The following PLAC8 variants were observed in gnomAD, a reference collection of about 807,000 sequenced individuals.
PLAC8 encodes the protein placenta associated 8, also known as placenta-specific gene 8 protein.
In PLAC8, 6 loss-of-function variants were observed where a neutral mutation model predicts 12.6. The ratio of observed to expected loss-of-function variants is 0.48; its 90% CI spans 0.26 to 0.94. The LOEUF (loss-of-function observed/expected upper bound fraction) is 0.94, where lower values mean the gene tolerates loss of function less well. Ranked by LOEUF, PLAC8 falls within the 40% of genes least tolerant of loss-of-function variation. The pLI, the probability that PLAC8 is intolerant of heterozygous loss-of-function variation, is 0.14. For synonymous variants in PLAC8, 54 were observed against 52.6 expected (o/e 1.03, Z -0.11); for missense variants, 122 against 152.7 (o/e 0.80, Z 1.06).
At position 83,100,930 on chromosome 4, in the gene PLAC8, A is replaced by G. The variant is rs573843184; in HGVS notation, c.243+3966T>C. On this transcript the variant is annotated intron_variant, in intron 3 of 4. Transcript: ENST00000311507. The stretch of plus-strand genomic sequence containing the variant: ...ACATGCTACTCCGGTGAACATAAAA[A>G]TGATAGGAAAGCAAAACAACCTTAT... Among the ~76,000 whole-genome samples, 6 of 152,332 alleles carry G rather than the reference A, an allele frequency of 3.9e-5. No individual in the cohort carries two copies. The South Asian group carries it at 1.2e-3, about 32-fold the overall frequency.
intron 3 of PLAC8, among the ~76,000 whole-genome samples, chr4:83,097,608 T>G (rs574981098): frequency 2.0e-5 from 3 of 152,186 alleles, no homozygotes; most frequent in African/African-American, 7.2e-5. Context: ...CTAAAAAGAG[T>G]CTGACCTTAT....
chr4:83,103,865 A>C (rs1732173350), intron 3 of PLAC8, among the ~76,000 whole-genome samples: 1 of 152,100 alleles, frequency 6.6e-6, no homozygotes, highest in Admixed American at 6.5e-5. Context: ...CAGGGGTTTC[A>C]CCATGTTGGC....
chr4:83,110,103 C>G (rs1308574470), intron 1 of PLAC8, among the ~76,000 whole-genome samples: 1 of 152,060 alleles, frequency 6.6e-6, no homozygotes, highest in African/African-American at 2.4e-5. Context: ...AGGGCTGGCG[C>G]CGCTTCCTCC....
At chr4:83,112,608 T>G (rs984926714) in intron 1 of PLAC8, among the ~76,000 whole-genome samples, 1 of 152,216 alleles carries the variant, frequency 6.6e-6, no homozygotes, top group Non-Finnish European at 1.5e-5. Context: ...CTGTCACTTC[T>G]AGCTGATTCT....
chr4:83,099,044 T>C (rs188017431), intron 3 of PLAC8, among the ~76,000 whole-genome samples: 2 of 152,200 alleles, frequency 1.3e-5, no homozygotes. Context: ...ACTGCTATAA[T>C]TCTAATATGA....
At chr4:83,105,715 T>A (rs1284796484) in intron 2 of PLAC8, among the ~76,000 whole-genome samples, 1 of 152,214 alleles carries the variant, frequency 6.6e-6, no homozygotes, top group Non-Finnish European at 1.5e-5. Context: ...AGATCTACAT[T>A]TAAGAAAATT....
At chr4:83,095,270 A>G (rs146553900) in intron 3 of PLAC8, among the ~76,000 whole-genome samples, 55 of 152,310 alleles carry the variant, frequency 3.6e-4, no homozygotes, top group Non-Finnish European at 7.1e-4. Flanking sequence ...CAACTAGTTT[A>G]AAAGGTAGTA....
rs762981620 is a variant in PLAC8, at chr4:83,107,792, C to T, written c.118+12G>A. ...GGTATCAAATAAGGGGGTTCTTTCC[C>T]CACACACTTACAGACTCCGCAGTCG... On this transcript the variant is annotated intron_variant, in intron 2 of 4. Coordinates refer to ENST00000311507, the MANE Select transcript of PLAC8 (RefSeq NM_016619.3). 1 of 1,552,342 alleles carries T rather than the reference C, an allele frequency of 6.4e-7. No individual in the cohort carries two copies. Among genetic ancestry groups the T allele is most frequent in the South Asian group, 1.1e-5 (1 of 88,958 alleles).
At chr4:83,109,750 G>GGGAA (rs1732359963) in intron 1 of PLAC8, 1 of 152,436 alleles carries the variant, frequency 6.6e-6, no homozygotes, top group African/African-American at 2.4e-5. Context: ...CTCTGCACTC[G>GGGAA]GGAAGGGGCT....
At chr4:83,106,829 C>T (rs1340546212) in intron 2 of PLAC8, among the ~76,000 whole-genome samples, 1 of 152,186 alleles carries the variant, frequency 6.6e-6, no homozygotes, top group East Asian at 1.9e-4. Context: ...CTGCAACGCC[C>T]ATCACACCCC....
intron 2 of PLAC8, 124 bp downstream of exon 2, chr4:83,107,680 A>G: frequency 4.8e-6 from 1 of 208,728 alleles, no homozygotes; most frequent in Non-Finnish European, 9.5e-6. Context: ...ATTGCCTGAC[A>G]TGCAGAGTGC....
chr4:83,100,034 C>T (rs1246725823), intron 3 of PLAC8, among the ~76,000 whole-genome samples: 6 of 148,996 alleles, frequency 4.0e-5, no homozygotes, highest in South Asian at 2.1e-4. Flanking sequence ...CTGCCGGGCG[C>T]GCGAGGCGGG....
chr4:83,094,771 A>G lies in PLAC8; in HGVS notation c.264T>C (p.Tyr88=). The G allele has an allele frequency of 1.3e-6, 2 of 1,591,316 alleles. No homozygotes were observed. Among genetic ancestry groups the G allele is most frequent in the Non-Finnish European group, 1.7e-6 (2 of 1,170,282 alleles). The change falls in exon 4 of 5, where the codon TAT becomes TAC. Residue 88 remains tyrosine (Y), a synonymous_variant. Coordinates refer to ENST00000311507, the MANE Select transcript of PLAC8 (RefSeq NM_016619.3). The part of the protein sequence containing the change: ...YGIPGSICDD[Y]MATLCCPHCT... ...AATGAGGACAGCAAAGAGTTGCCAT[A>G]TAGTCATCACAAATAGATCCCTGTT...
intron 1 of PLAC8, among the ~76,000 whole-genome samples, chr4:83,111,809 CTAA>C (rs747702179): frequency 1.4e-4 from 22 of 152,254 alleles, no homozygotes; most frequent in Admixed American, 9.8e-4. Context: ...TTCAAATTGG[CTAA>C]TGTTAGACTT....
chr4:83,110,562 G>T (rs569908463), intron 1 of PLAC8, among the ~76,000 whole-genome samples: 1 of 152,322 alleles, frequency 6.6e-6, no homozygotes, highest in South Asian at 2.1e-4. Context: ...TGGTACACAG[G>T]AGGAGCTCAC....
At position 83,094,697 on chromosome 4, in the gene PLAC8, C is replaced by T. The variant is rs144318051; in HGVS notation, c.338G>A (p.Arg113His). ...ACTCACCATCAGTTTTTAGAAAGTA[C>T]GCATGGCTCTCCTTCTGTTGATATC... ...KRDINRRRAM[R>H]TF Residue 113 changes from arginine to histidine, a missense_variant, in exon 4 of 5, where the codon CGT (arginine) becomes CAT (histidine). Coordinates refer to ENST00000311507, the MANE Select transcript of PLAC8 (RefSeq NM_016619.3). 234 of 1,596,496 alleles carry T rather than the reference C, an allele frequency of 1.5e-4. 1 individual carries two copies. The highest frequency in any genetic ancestry group is 8.7e-4 in the Admixed American group (51 of 58,578).
chr4:83,109,477 C>A (rs950378918), intron 1 of PLAC8, among the ~76,000 whole-genome samples: 13 of 152,190 alleles, frequency 8.5e-5, no homozygotes, highest in Non-Finnish European at 1.8e-4. Flanking sequence ...ACCAGGGGGT[C>A]CGGCTGAGCC....
rs115270059 is a variant in PLAC8 at position 83,102,790 on chromosome 4, A to G, written c.243+2106T>C. Among the ~76,000 whole-genome samples the G allele has an allele frequency of 4.4e-3, 666 of 152,336 alleles. 4 individuals carry two copies. Among genetic ancestry groups the G allele is most frequent in the African/African-American group, 0.015 (627 of 41,572 alleles). On this transcript the variant is annotated intron_variant, in intron 3 of 4. Coordinates refer to ENST00000311507, the MANE Select transcript of PLAC8 (RefSeq NM_016619.3). ...GGAGCTACTTCTTATGGATGAGCAAAGAAAGCTGTTTCTTGGCCGGGCGCG... is the reference window on the plus strand; with the variant it reads ...GGAGCTACTTCTTATGGATGAGCAAGGAAAGCTGTTTCTTGGCCGGGCGCG...
At position 83,098,152 on chromosome 4, in the gene PLAC8, G is replaced by A. The variant is rs557510341; in HGVS notation, c.244-3361C>T. On this transcript the variant is annotated intron_variant, in intron 3 of 4. Coordinates refer to ENST00000311507, the MANE Select transcript of PLAC8 (RefSeq NM_016619.3). The stretch of plus-strand genomic sequence containing the variant: ...GATTACAGGCGTGAGCCACCGCGCC[G>A]GGCCTGAGGGTTTTAAAGATTGTCT... Among the ~76,000 whole-genome samples the A allele has an allele frequency of 9.2e-5, 14 of 152,192 alleles. No homozygotes were observed. The South Asian group carries it at 2.7e-3, about 29-fold the overall frequency.
Sources: gnomAD v4.1 joint callset for allele counts (sites outside exome capture counted in the v4.1 genomes callset) on GRCh38, gnomAD v4.1.1 for gene constraint, MANE v1.5 for transcripts, NCBI Gene and HGNC (gene_info 2026-07-23, HGNC 2026-07-21) for gene names.